The following LOC400499 variants were observed in gnomAD, a reference collection of about 807,000 sequenced individuals.
the LOC400499 span, among the ~76,000 whole-genome samples, chr16:11,386,561 G>C: frequency 1.3e-5 from 2 of 152,238 alleles, no homozygotes; most frequent in Admixed American, 1.3e-4. Context: ...CCATAGACAT[G>C]AGGGGCTCCC....
At chr16:11,488,050 G>C in the LOC400499 span, among the ~76,000 whole-genome samples, 2 of 151,540 alleles carry the variant, frequency 1.3e-5, no homozygotes, top group Admixed American at 1.3e-4. Flanking sequence ...CCTGGAGGCA[G>C]AGGTTGCAGT....
chr16:11,498,249 A>G, the LOC400499 span, among the ~76,000 whole-genome samples: 114,764 of 152,124 alleles, frequency 0.75, 43,931 homozygotes, highest in African/African-American at 0.88. Context: ...GGGAGGCCGA[A>G]GCAGGCAAAT....
At chr16:11,435,925 G>A in the LOC400499 span, 4 of 399,110 alleles carry the variant, frequency 1.0e-5, no homozygotes, top group African/African-American at 6.2e-5. Context: ...TGGGATCCTG[G>A]GTGTGGGGGA....
the LOC400499 span, among the ~76,000 whole-genome samples, chr16:11,506,493 G>A: frequency 6.6e-6 from 1 of 152,128 alleles, no homozygotes; most frequent in Non-Finnish European, 1.5e-5. Flanking sequence ...CGAGCTCCTT[G>A]TTCTCAGAAC....
the LOC400499 span, chr16:11,461,184 G>A: frequency 2.7e-6 from 4 of 1,471,028 alleles, no homozygotes; most frequent in Non-Finnish European, 3.6e-6. Flanking sequence ...CCCATCCCCA[G>A]GCAAAGAAGG....
chr16:11,526,170 C>T, the LOC400499 span, among the ~76,000 whole-genome samples: 2 of 152,168 alleles, frequency 1.3e-5, no homozygotes, highest in African/African-American at 4.8e-5. Flanking sequence ...ACAATCTGGC[C>T]CGCGCTCTCC....
At chr16:11,476,128 G>A in the LOC400499 span, among the ~76,000 whole-genome samples, 30 of 151,548 alleles carry the variant, frequency 2.0e-4, no homozygotes, top group Non-Finnish European at 4.4e-5. Context: ...AGCATGGAAA[G>A]AAGGCTGGTG....
At chr16:11,378,188 C>T in the LOC400499 span, among the ~76,000 whole-genome samples, 1 of 150,806 alleles carries the variant, frequency 6.6e-6, no homozygotes, top group Non-Finnish European at 1.5e-5. Flanking sequence ...CTCCTGGCCT[C>T]GGCCTTCCAA....
chr16:11,464,907 T>C, the LOC400499 span, among the ~76,000 whole-genome samples: 1 of 152,180 alleles, frequency 6.6e-6, no homozygotes, highest in Non-Finnish European at 1.5e-5. Flanking sequence ...AAATGAGGCA[T>C]AAGTCTCAGC....
chr16:11,419,517 T>A, the LOC400499 span, among the ~76,000 whole-genome samples: 2 of 152,274 alleles, frequency 1.3e-5, no homozygotes, highest in African/African-American at 4.8e-5. Flanking sequence ...AACCTAGGCA[T>A]TACCATTCAG....
the LOC400499 span, among the ~76,000 whole-genome samples, chr16:11,495,209 C>CAA: frequency 7.1e-6 from 1 of 141,388 alleles, no homozygotes; most frequent in South Asian, 2.3e-4. Context: ...ACTCTGTCTC[C>CAA]AAAAAAAAAA....
At chr16:11,438,690 G>C in the LOC400499 span, among the ~76,000 whole-genome samples, 2 of 151,644 alleles carry the variant, frequency 1.3e-5, no homozygotes, top group South Asian at 4.2e-4. Flanking sequence ...TCAGGAGGCT[G>C]AGGTGGGAGG....
chr16:11,506,374 T>G, the LOC400499 span, among the ~76,000 whole-genome samples: 163 of 152,202 alleles, frequency 1.1e-3, 1 homozygote, highest in African/African-American at 3.8e-3. Context: ...CTGTGGGACA[T>G]CCGGAAGTCT....
At chr16:11,454,785 T>G in the LOC400499 span, among the ~76,000 whole-genome samples, 1 of 152,176 alleles carries the variant, frequency 6.6e-6, no homozygotes, top group South Asian at 2.1e-4. Context: ...TGGAAGCTAC[T>G]GAAAGATGTA....
At chr16:11,455,828 T>A in the LOC400499 span, among the ~76,000 whole-genome samples, 1 of 151,906 alleles carries the variant, frequency 6.6e-6, no homozygotes, top group African/African-American at 2.4e-5. Flanking sequence ...TCAACTTTTA[T>A]AAACTTTAAT....
At chr16:11,469,751 C>G in the LOC400499 span, 1,024 of 398,506 alleles carry the variant, frequency 2.6e-3, 8 homozygotes, top group African/African-American at 0.02. Context: ...AATCCCCCAA[C>G]CAGGAATTTC....
chr16:11,372,655 C>T, the LOC400499 span: 1,196 of 716,122 alleles, frequency 1.7e-3, 11 homozygotes, highest in African/African-American at 0.021. Context: ...TGAATCTTGT[C>T]ATTGTCAGGG....
At chr16:11,481,180 G>T in the LOC400499 span, among the ~76,000 whole-genome samples, 14 of 152,210 alleles carry the variant, frequency 9.2e-5, no homozygotes, top group Admixed American at 8.5e-4. Context: ...CAAATTGGTG[G>T]CTGTTGGAGG....
the LOC400499 span, chr16:11,385,172 A>G: frequency 8.1e-7 from 1 of 1,230,974 alleles, no homozygotes; most frequent in Non-Finnish European, 1.0e-6. Context: ...TCTCCAGGGG[A>G]GGCTCAGTCC....
Sources: gnomAD v4.1 joint callset for allele counts (sites outside exome capture counted in the v4.1 genomes callset) on GRCh38, gnomAD v4.1.1 for gene constraint, MANE v1.5 for transcripts.